PCDH9: variants seen among roughly 807,000 people sequenced by gnomAD.
PCDH9 encodes the protein protocadherin 9.
Under a neutral mutation model 70.6 loss-of-function variants are expected in PCDH9, and 24 were observed. The ratio of observed to expected loss-of-function variants is 0.34; its 90% CI spans 0.25 to 0.48. The LOEUF (loss-of-function observed/expected upper bound fraction) is 0.48, where lower values mean the gene tolerates loss of function less well. Ranked by LOEUF, PCDH9 falls within the 20% of genes least tolerant of loss-of-function variation. The pLI, the probability that PCDH9 is intolerant of heterozygous loss-of-function variation, is 0.99. For synonymous variants in PCDH9, 562 were observed against 558.5 expected (o/e 1.01, Z -0.09); for missense variants, 1,281 against 1,503.6 (o/e 0.85, Z 2.45).
At chr13:67,148,868 A>T (rs1006969421) in intron 2 of PCDH9, among the ~76,000 whole-genome samples, 4 of 152,214 alleles carry the variant, frequency 2.6e-5, no homozygotes, top group Non-Finnish European at 5.9e-5. Flanking sequence ...TTGATCTTTA[A>T]AAGATGTATT....
At chr13:67,157,872 C>G (rs2087854928) in intron 2 of PCDH9, among the ~76,000 whole-genome samples, 1 of 152,070 alleles carries the variant, frequency 6.6e-6, no homozygotes, top group South Asian at 2.1e-4. Flanking sequence ...TTCTTCATTG[C>G]CAGCATAATT....
At chr13:67,220,621 TAGGATGACTGGTCTGAAACTA>T (rs1269988520) in intron 2 of PCDH9, 2 of 152,056 alleles carry the variant, frequency 1.3e-5, no homozygotes, top group Admixed American at 6.6e-5. Flanking sequence ...TGTCTCACCA[TAGGATGACTGGTCTGAAACTA>T]AGGAGAACAT....
intron 3 of PCDH9, among the ~76,000 whole-genome samples, chr13:66,878,399 G>C (rs1007432465): frequency 1.3e-5 from 2 of 151,772 alleles, no homozygotes; most frequent in African/African-American, 4.8e-5. Context: ...GCTAATTATC[G>C]TATTTTTAGT....
chr13:66,304,542 G>T lies in PCDH9; in HGVS notation c.*113C>A. ...TCCATGGTGCTAACACAAAGTTATAGGTATCCCTGCTAGAAGGGGCATAGT... is the reference window on the plus strand; with the variant it reads ...TCCATGGTGCTAACACAAAGTTATATGTATCCCTGCTAGAAGGGGCATAGT... On this transcript the variant is annotated 3_prime_UTR_variant, in exon 5 of 5. Coordinates refer to ENST00000377865, the MANE Select transcript of PCDH9 (RefSeq NM_203487.3). The T allele has an allele frequency of 1.3e-6, 1 of 792,384 alleles. No individual in the cohort carries two copies. The highest frequency in any genetic ancestry group is 2.1e-6 in the Non-Finnish European group (1 of 480,146). The allele number at this position is 792,384 out of a possible 1,614,324, so 49.1% of individuals were successfully genotyped here.
intron 2 of PCDH9, among the ~76,000 whole-genome samples, chr13:67,076,731 G>C (rs1387178087): frequency 2.0e-5 from 3 of 152,004 alleles, no homozygotes. Flanking sequence ...TTTGTGAAAC[G>C]AGCTATTTTT....
chr13:66,378,873 G>C (rs1272538329), intron 4 of PCDH9, among the ~76,000 whole-genome samples: 1 of 151,764 alleles, frequency 6.6e-6, no homozygotes, highest in East Asian at 1.9e-4. Context: ...AAGAGTGTAG[G>C]TCATTCAATT....
chr13:66,574,898 C>A (rs531071195), intron 4 of PCDH9, among the ~76,000 whole-genome samples: 3 of 152,088 alleles, frequency 2.0e-5, no homozygotes, highest in African/African-American at 7.2e-5. Flanking sequence ...TTGGGCCGGG[C>A]GCAGTGGCTC....
At chr13:66,641,505 C>T (rs2077708479) in intron 3 of PCDH9, among the ~76,000 whole-genome samples, 1 of 152,152 alleles carries the variant, frequency 6.6e-6, no homozygotes, top group Admixed American at 6.5e-5. Context: ...CAGAACATGA[C>T]AATGAGACTA....
intron 3 of PCDH9, among the ~76,000 whole-genome samples, chr13:66,807,813 G>A (rs561014482): frequency 6.6e-6 from 1 of 151,908 alleles, no homozygotes; most frequent in Non-Finnish European, 1.5e-5. Context: ...TAAACTTATC[G>A]ACCTTTCTTT....
intron 4 of PCDH9, among the ~76,000 whole-genome samples, chr13:66,459,014 GA>G (rs1239544683): frequency 6.6e-6 from 1 of 151,958 alleles, no homozygotes; most frequent in Non-Finnish European, 1.5e-5. Flanking sequence ...TTTGGCAGGG[GA>G]GGGGGAGCAG....
chr13:66,938,974 A>G (rs140538278), intron 2 of PCDH9, among the ~76,000 whole-genome samples: 2,275 of 152,256 alleles, frequency 0.015, 49 homozygotes, highest in African/African-American at 0.052. Flanking sequence ...ATTTGTATTG[A>G]AATATAATAC....
Position 66,380,688 on chromosome 13 carries a change from C to T in PCDH9, c.3341-75660G>A, listed in dbSNP as rs187704026. ...CCTCCTGAGTAACTGGGACTACAGG[C>T]GCCCGCCACCACGCCCGGCTAATTT... is the stretch of plus-strand genomic sequence containing the variant. On this transcript the variant is annotated intron_variant, in intron 4 of 4. Coordinates refer to ENST00000377865, the MANE Select transcript of PCDH9 (RefSeq NM_203487.3). 3.7e-3 allele frequency among the ~76,000 whole-genome samples: 555 copies of T among 151,878 alleles called. 11 individuals carry two copies. The highest frequency in any genetic ancestry group is 2.9e-3 in the East Asian group (15 of 5,136).
chr13:67,012,586 G>T (rs2084472164), intron 2 of PCDH9, among the ~76,000 whole-genome samples: 1 of 151,852 alleles, frequency 6.6e-6, no homozygotes, highest in Non-Finnish European at 1.5e-5. Context: ...ACTATTAATG[G>T]ACTAATGAAC....
At chr13:66,316,289 A>G (rs935364220) in intron 4 of PCDH9, among the ~76,000 whole-genome samples, 3 of 152,226 alleles carry the variant, frequency 2.0e-5, no homozygotes, top group Middle Eastern at 3.2e-3. Context: ...TATGGTAAAC[A>G]TATTCACACA....
intron 4 of PCDH9, among the ~76,000 whole-genome samples, chr13:66,381,118 T>C (rs1956841299): frequency 6.6e-6 from 1 of 152,214 alleles, no homozygotes; most frequent in Non-Finnish European, 1.5e-5. Context: ...AGGAGTTAGA[T>C]GCACTTCTCC....
chr13:66,689,792 T>C (rs1274696280), intron 3 of PCDH9, among the ~76,000 whole-genome samples: 3 of 152,330 alleles, frequency 2.0e-5, no homozygotes, highest in Admixed American at 2.0e-4. Flanking sequence ...TAAGCAAGAT[T>C]CACGAGCTGT....
chr13:66,435,104 C>G (rs140686246), intron 4 of PCDH9, among the ~76,000 whole-genome samples: 1 of 152,166 alleles, frequency 6.6e-6, no homozygotes, highest in Admixed American at 6.5e-5. Context: ...GGAAACTGCT[C>G]ACTCTTTAAT....
intron 3 of PCDH9, among the ~76,000 whole-genome samples, chr13:66,730,480 G>T (rs1389985300): frequency 6.6e-6 from 1 of 151,878 alleles, no homozygotes; most frequent in Non-Finnish European, 1.5e-5. Flanking sequence ...AATATCACTT[G>T]CCTTTGTTTT....
At chr13:67,126,705 C>T (rs956017480) in intron 2 of PCDH9, among the ~76,000 whole-genome samples, 1 of 152,076 alleles carries the variant, frequency 6.6e-6, no homozygotes, top group African/African-American at 2.4e-5. Flanking sequence ...AAAAGATTAG[C>T]TAAGTGTGGT....
Sources: gnomAD v4.1 joint callset for allele counts (sites outside exome capture counted in the v4.1 genomes callset) on GRCh38, gnomAD v4.1.1 for gene constraint, MANE v1.5 for transcripts, NCBI Gene and HGNC (gene_info 2026-07-23, HGNC 2026-07-21) for gene names.